RAB38: variants seen among roughly 807,000 people sequenced by gnomAD.
The protein encoded by RAB38 is ras-related protein Rab-38.
Under a neutral mutation model 18.4 loss-of-function variants are expected in RAB38, and 15 were observed. The observed-to-expected ratio is 0.82, with a 90% CI of 0.55 to 1.26. The LOEUF is 1.26. RAB38 is among the 50% of genes most tolerant of loss of function. The pLI, the probability that RAB38 is intolerant of heterozygous loss-of-function variation, is 0.00. For missense variants in RAB38, 294 were observed against 267.4 expected (o/e 1.10, Z -0.69); for synonymous variants, 101 against 104.4 (o/e 0.97, Z 0.20).
intron 1 of RAB38, among the ~76,000 whole-genome samples, chr11:88,154,092 G>A (rs577624587): frequency 6.6e-6 from 1 of 152,166 alleles, no homozygotes; most frequent in Non-Finnish European, 1.5e-5. Flanking sequence ...TTCCATTGGG[G>A]ATCCCAGCAA....
At chr11:87,938,872 A>G in the RAB38 span, among the ~76,000 whole-genome samples, 1 of 151,868 alleles carries the variant, frequency 6.6e-6, no homozygotes. Context: ...TCAGAGTATT[A>G]CTATATTTAT....
chr11:88,026,678 G>A, the RAB38 span, among the ~76,000 whole-genome samples: 5 of 151,398 alleles, frequency 3.3e-5, no homozygotes, highest in East Asian at 3.9e-4. Flanking sequence ...GCACCCGGCC[G>A]TTTTCTTCTA....
chr11:87,952,104 G>A, the RAB38 span, among the ~76,000 whole-genome samples: 43 of 152,142 alleles, frequency 2.8e-4, no homozygotes, highest in East Asian at 1.2e-3. Flanking sequence ...CTGGGAGCTC[G>A]CTGCATCCCC....
At chr11:87,935,318 C>G in the RAB38 span, among the ~76,000 whole-genome samples, 19 of 151,864 alleles carry the variant, frequency 1.3e-4, 1 homozygote, top group Admixed American at 7.2e-4. Context: ...TCTTCATTTC[C>G]TGATCCCTTT....
At chr11:87,952,075 G>A in the RAB38 span, among the ~76,000 whole-genome samples, 1 of 152,032 alleles carries the variant, frequency 6.6e-6, no homozygotes, top group East Asian at 1.9e-4. Flanking sequence ...CGTGGGTAGA[G>A]GAAGCAGTGG....
chr11:87,932,406 T>A, the RAB38 span, among the ~76,000 whole-genome samples: 1 of 151,976 alleles, frequency 6.6e-6, no homozygotes, highest in Non-Finnish European at 1.5e-5. Context: ...CAGAAAGGCA[T>A]CATGAAGAGA....
intron 1 of RAB38, among the ~76,000 whole-genome samples, chr11:88,169,935 T>A (rs1252385319): frequency 6.6e-6 from 1 of 152,224 alleles, no homozygotes; most frequent in African/African-American, 2.4e-5. Flanking sequence ...TTCCCTCACC[T>A]AAGTACTTTC....
At chr11:88,097,553 C>T in the RAB38 span, among the ~76,000 whole-genome samples, 1 of 151,850 alleles carries the variant, frequency 6.6e-6, no homozygotes, top group African/African-American at 2.4e-5. Flanking sequence ...GTATTGTGTG[C>T]CATGCGGTGC....
At chr11:87,811,913 T>A in the RAB38 span, among the ~76,000 whole-genome samples, 4 of 152,344 alleles carry the variant, frequency 2.6e-5, no homozygotes, top group Non-Finnish European at 5.9e-5. Flanking sequence ...TTTCAAATAG[T>A]AGCTTTTTCA....
At chr11:88,156,005 A>T (rs942973422) in intron 1 of RAB38, among the ~76,000 whole-genome samples, 1 of 152,238 alleles carries the variant, frequency 6.6e-6, no homozygotes, top group African/African-American at 2.4e-5. Flanking sequence ...AAATGAAGAA[A>T]GTCTTTGAGA....
chr11:88,053,205 TATATATATACACACATATATATGGA>T, the RAB38 span, among the ~76,000 whole-genome samples: 2 of 116,610 alleles, frequency 1.7e-5, no homozygotes, highest in African/African-American at 6.8e-5. Context: ...ATATATGGAA[TATATATATACACACATATATATGGA>T]ATATATATAT....
At chr11:88,014,781 T>C in the RAB38 span, among the ~76,000 whole-genome samples, 1 of 152,230 alleles carries the variant, frequency 6.6e-6, no homozygotes, top group East Asian at 1.9e-4. Context: ...CCTCTCTTGA[T>C]GTGCAATAAG....
chr11:88,033,087 T>C, the RAB38 span, among the ~76,000 whole-genome samples: 1 of 152,154 alleles, frequency 6.6e-6, no homozygotes, highest in South Asian at 2.1e-4. Context: ...GGGACATCGA[T>C]GAAATTGGAA....
chr11:88,142,144 A>C (rs1487749653), intron 2 of RAB38, among the ~76,000 whole-genome samples: 2 of 152,188 alleles, frequency 1.3e-5, no homozygotes, highest in African/African-American at 4.8e-5. Flanking sequence ...AGGAATTCTG[A>C]ATCTGAGAAA....
chr11:88,056,843 A>G, the RAB38 span, among the ~76,000 whole-genome samples: 1 of 43,750 alleles, frequency 2.3e-5, no homozygotes, highest in African/African-American at 4.6e-5. Flanking sequence ...ATACATACAT[A>G]CATACATACA....
the RAB38 span, among the ~76,000 whole-genome samples, chr11:88,021,754 G>A: frequency 1.4e-5 from 2 of 143,136 alleles, no homozygotes; most frequent in African/African-American, 5.1e-5. Flanking sequence ...ACTAATTTTT[G>A]TATTTTTAGT....
the RAB38 span, among the ~76,000 whole-genome samples, chr11:87,957,539 A>C: frequency 1.3e-5 from 2 of 152,174 alleles, no homozygotes; most frequent in African/African-American, 4.8e-5. Flanking sequence ...GTAGAATCTA[A>C]TAGTAATCAA....
chr11:88,073,028 G>A, the RAB38 span, among the ~76,000 whole-genome samples: 2 of 152,118 alleles, frequency 1.3e-5, no homozygotes, highest in South Asian at 2.1e-4. Context: ...CCTCCAATCT[G>A]CTTGGCACCA....
chr11:88,111,884 C>T (rs565192747), downstream of RAB38, among the ~76,000 whole-genome samples: 17 of 152,310 alleles, frequency 1.1e-4, no homozygotes, highest in African/African-American at 4.1e-4. Context: ...TAAGTACACT[C>T]TAACATTCCC....
Sources: gnomAD v4.1 joint callset for allele counts (sites outside exome capture counted in the v4.1 genomes callset) on GRCh38, gnomAD v4.1.1 for gene constraint, MANE v1.5 for transcripts, NCBI Gene and HGNC (gene_info 2026-07-23, HGNC 2026-07-21) for gene names.